Variants in KMT5B observed in about 807,000 individuals in gnomAD.
The protein encoded by KMT5B is histone-lysine N-methyltransferase KMT5B.
Under a neutral mutation model 83.2 loss-of-function variants are expected in KMT5B, and 10 were observed. That is an observed-to-expected ratio of 0.12 (90% confidence interval 0.07 to 0.20). The LOEUF is 0.20. Ranked by LOEUF, KMT5B falls within the 10% of genes least tolerant of loss-of-function variation. The pLI, the probability that KMT5B is intolerant of heterozygous loss-of-function variation, is 1.00. For missense variants in KMT5B, 753 were observed against 1,067.2 expected, an observed-to-expected ratio of 0.71 and a Z score of 4.10; for synonymous variants, 349 against 388.8, an observed-to-expected ratio of 0.90 and a Z score of 1.20.
chr11:68,179,059 A>G (rs1446485055), intron 4 of KMT5B, among the ~76,000 whole-genome samples: 1 of 152,140 alleles, frequency 6.6e-6, no homozygotes, highest in Non-Finnish European at 1.5e-5. Context: ...CTGTTATATC[A>G]CCTGGCTCAG....
chr11:68,174,591 T>C (rs932867652), intron 5 of KMT5B, among the ~76,000 whole-genome samples: 15 of 152,326 alleles, frequency 9.8e-5, no homozygotes, highest in Non-Finnish European at 1.9e-4. Context: ...CGCAGTGGCA[T>C]GATCATAGCT....
intron 1 of KMT5B, among the ~76,000 whole-genome samples, chr11:68,201,172 G>A (rs959928708): frequency 1.3e-5 from 2 of 152,134 alleles, no homozygotes. Context: ...GGTGAGAAGC[G>A]CGACACCCAC....
At chr11:68,206,955 C>T (rs1438359342) in intron 1 of KMT5B, among the ~76,000 whole-genome samples, 6 of 152,096 alleles carry the variant, frequency 3.9e-5, no homozygotes, top group Non-Finnish European at 8.8e-5. Flanking sequence ...AAAAATCATG[C>T]CAAGCAGCAG....
intron 1 of KMT5B, among the ~76,000 whole-genome samples, chr11:68,199,091 G>C (rs906553612): frequency 6.7e-6 from 1 of 148,440 alleles, no homozygotes; most frequent in Non-Finnish European, 1.5e-5. Flanking sequence ...TAATTGCGTT[G>C]TTTTTTTTTT....
chr11:68,194,813 G>C (rs1858513309), intron 1 of KMT5B, among the ~76,000 whole-genome samples: 1 of 152,204 alleles, frequency 6.6e-6, no homozygotes, highest in South Asian at 2.1e-4. Context: ...CATTGGTACA[G>C]ATGCATAAAC....
chr11:68,165,754 C>A, intron 10 of KMT5B: 1 of 1,466,980 alleles, frequency 6.8e-7, no homozygotes, highest in Non-Finnish European at 9.0e-7. Flanking sequence ...AATCAACAGT[C>A]AACAGTTAAT....
chr11:68,171,849 C>A lies in KMT5B; in HGVS notation c.654-140G>T. 3 of 674,116 alleles carry A rather than the reference C, an allele frequency of 4.5e-6. No homozygotes were observed. Among genetic ancestry groups the A allele is most frequent in the Admixed American group, 2.9e-5 (1 of 34,016 alleles). 41.8% of individuals were successfully genotyped at this position (674,116 alleles called of 1,614,324 possible). On this transcript the variant is annotated intron_variant, in intron 6 of 10. Coordinates refer to ENST00000304363, the MANE Select transcript of KMT5B (RefSeq NM_017635.5). This position sits in a 1 kb window ranked among gnomAD's most constrained non-coding sequence, Gnocchi z 5.1. ...TACTTTAGTTAGCTCACTGGGATCC[C>A]CACCTGGCTATCTTCTCTCCTACCC...
At chr11:68,202,351 C>T (rs73509386) in intron 1 of KMT5B, among the ~76,000 whole-genome samples, 2,569 of 152,242 alleles carry the variant, frequency 0.017, 73 homozygotes, top group African/African-American at 0.058. Context: ...CAGCTTCCCA[C>T]CACAGGGCCT....
At chr11:68,174,954 G>A in intron 5 of KMT5B, 64 bp downstream of exon 5, 6 of 1,409,558 alleles carry the variant, frequency 4.3e-6, no homozygotes, top group African/African-American at 1.4e-5. Flanking sequence ...TAACATTTAG[G>A]GTTTTAATTT....
intron 2 of KMT5B, 68 bp downstream of exon 2, chr11:68,189,849 T>C: frequency 1.4e-6 from 2 of 1,471,112 alleles, no homozygotes. Flanking sequence ...AGAATACACA[T>C]TACAAACTGG....
chr11:68,205,437 G>C (rs1859973741), intron 1 of KMT5B, among the ~76,000 whole-genome samples: 1 of 152,168 alleles, frequency 6.6e-6, no homozygotes, highest in South Asian at 2.1e-4. Context: ...TTACACCTCT[G>C]ATTACTCACA....
intron 1 of KMT5B, among the ~76,000 whole-genome samples, chr11:68,206,494 G>C (rs1159883304): frequency 1.3e-5 from 2 of 152,290 alleles, no homozygotes; most frequent in South Asian, 2.1e-4. Context: ...GCTTTGCAGA[G>C]GCAGCCCGCA....
intron 10 of KMT5B, 152 bp downstream of exon 10, chr11:68,166,830 A>T: frequency 6.9e-7 from 1 of 1,449,912 alleles, no homozygotes. Context: ...CCTCTACTCA[A>T]ATCACGTCTA....
In KMT5B at chr11:68,167,136, C is replaced by A. The variant is rs755013136; in HGVS notation, c.1020G>T (p.Ala340=). 3.1e-6 allele frequency: 5 copies of A among 1,613,426 alleles called. No homozygotes were observed. The highest frequency in any genetic ancestry group is 1.7e-5 in the Admixed American group (1 of 59,936). ...ATTTGCTATTGATAACAGGAGCAGG[C>A]GCAGGCAGTCCCACTCTGGATTTAA... is the stretch of plus-strand genomic sequence containing the variant. ...GAFKSRVGLP[A]PAPVINSKYG... Residue 340 remains alanine (A), a synonymous_variant, in exon 10 of 11, where the codon GCG becomes GCT. Transcript: ENST00000304363.
At chr11:68,189,376 T>G (rs1188153865) in intron 2 of KMT5B, among the ~76,000 whole-genome samples, 1 of 152,198 alleles carries the variant, frequency 6.6e-6, no homozygotes, top group Non-Finnish European at 1.5e-5. Flanking sequence ...ATAAAGTAAC[T>G]TATCAGCAGT....
chr11:68,207,824 C>A (rs1169531686), intron 1 of KMT5B, among the ~76,000 whole-genome samples: 3 of 149,696 alleles, frequency 2.0e-5, no homozygotes, highest in Admixed American at 2.0e-4. Context: ...AAAAACAACA[C>A]AGAATAATGA....
rs534474720 is a variant in KMT5B, at chr11:68,165,375, G to A, written c.1174+1607C>T. Reference sequence around the variant, plus strand: ...AAAAATTAGCTGGATGCGGTGGCACGTGCCTGTAATCCCAGCTACTTGGGA... The same window carrying A: ...AAAAATTAGCTGGATGCGGTGGCACATGCCTGTAATCCCAGCTACTTGGGA... On this transcript the variant is annotated intron_variant, in intron 10 of 10. Transcript: ENST00000304363. Among the ~76,000 whole-genome samples the A allele has an allele frequency of 4.1e-4, 63 of 152,258 alleles. 1 individual carries two copies. In the South Asian group the frequency reaches 0.011, roughly 27 times the overall value.
intron 3 of KMT5B, among the ~76,000 whole-genome samples, chr11:68,181,578 G>A (rs1278017042): frequency 6.6e-6 from 1 of 152,138 alleles, no homozygotes; most frequent in Non-Finnish European, 1.5e-5. Flanking sequence ...CACTTCTTTT[G>A]CACCCCAAAG....
At chr11:68,181,353 G>A (rs4930563) in intron 3 of KMT5B, among the ~76,000 whole-genome samples, 65,373 of 151,990 alleles carry the variant, frequency 0.43, 14,998 homozygotes, top group East Asian at 0.64. Flanking sequence ...AATTACAGGC[G>A]TGAGCCATCA....
Sources: gnomAD v4.1 joint callset for allele counts (sites outside exome capture counted in the v4.1 genomes callset) on GRCh38, gnomAD v4.1.1 for gene constraint, Gnocchi (gnomAD v3.1) non-coding constraint, MANE v1.5 for transcripts, NCBI Gene and HGNC (gene_info 2026-07-23, HGNC 2026-07-21) for gene names.